ZSCAN5A: variants seen among roughly 807,000 people sequenced by gnomAD.
ZSCAN5A encodes the protein zinc finger and SCAN domain containing 5A, also known as zinc finger and SCAN domain-containing protein 5A.
In ZSCAN5A, 12 loss-of-function variants were observed where a neutral mutation model predicts 23.7. The ratio of observed to expected loss-of-function variants is 0.51; its 90% CI spans 0.32 to 0.82. ZSCAN5A has a LOEUF of 0.82. ZSCAN5A is among the 40% of genes least tolerant of loss of function. ZSCAN5A has a pLI of 0.03. For synonymous variants in ZSCAN5A, 257 were observed against 239.9 expected, an observed-to-expected ratio of 1.07 and a Z score of -0.66; for missense variants, 597 against 617.9, an observed-to-expected ratio of 0.97 and a Z score of 0.36.
At chr19:56,353,628 A>C (rs8102637) in intron 2 of ZSCAN5A, among the ~76,000 whole-genome samples, 26,274 of 151,574 alleles carry the variant, frequency 0.17, 2,431 homozygotes, top group Middle Eastern at 0.23. Context: ...AAAAAATACA[A>C]AAAATTAGCT....
chr19:56,261,857 A>G (rs1275977144), intron 2 of ZSCAN5A, among the ~76,000 whole-genome samples: 1 of 152,226 alleles, frequency 6.6e-6, no homozygotes, highest in African/African-American at 2.4e-5. Flanking sequence ...TAACTTACAT[A>G]TAGTGAAGTG....
chr19:56,287,936 G>A (rs149212348), intron 2 of ZSCAN5A, among the ~76,000 whole-genome samples: 77 of 152,342 alleles, frequency 5.1e-4, no homozygotes, highest in African/African-American at 1.4e-3. Flanking sequence ...TCCAGTGTTA[G>A]CTCTGAAACT....
intron 2 of ZSCAN5A, among the ~76,000 whole-genome samples, chr19:56,361,210 T>C (rs958162208): frequency 3.3e-5 from 5 of 152,176 alleles, no homozygotes; most frequent in African/African-American, 7.2e-5. Flanking sequence ...AAGCAACAGA[T>C]GCTGGCGAGG....
chr19:56,275,455 G>A (rs369447163), intron 2 of ZSCAN5A, among the ~76,000 whole-genome samples: 3 of 152,246 alleles, frequency 2.0e-5, no homozygotes, highest in African/African-American at 7.2e-5. Context: ...TATTGGTTGG[G>A]TGCAGTGGCT....
chr19:56,273,598 G>C (rs539725642), intron 2 of ZSCAN5A, among the ~76,000 whole-genome samples: 1 of 152,308 alleles, frequency 6.6e-6, no homozygotes, highest in South Asian at 2.1e-4. Context: ...AGTTAGGAGA[G>C]ACTATTCCAG....
chr19:56,363,416 G>A (rs10410099), intron 1 of ZSCAN5A: 16,244 of 152,298 alleles, frequency 0.11, 1,240 homozygotes, highest in East Asian at 0.35. Flanking sequence ...ATAAGAGCCA[G>A]TGGAGTATTG....
intron 2 of ZSCAN5A, among the ~76,000 whole-genome samples, chr19:56,270,557 GT>G (rs2037775930): frequency 6.6e-6 from 1 of 152,170 alleles, no homozygotes; most frequent in East Asian, 1.9e-4. Flanking sequence ...AGGGTCAATT[GT>G]TAACGTTTTC....
chr19:56,326,034 G>A (rs1043958642), intron 2 of ZSCAN5A, among the ~76,000 whole-genome samples: 1 of 151,612 alleles, frequency 6.6e-6, no homozygotes, highest in Admixed American at 6.6e-5. Context: ...CCGGGTTCAC[G>A]CCATTCTCCT....
chr19:56,244,547 G>C lies in ZSCAN5A; in HGVS notation c.-127-19374C>G, dbSNP rs1568637550. 1.1e-5 allele frequency: 14 copies of C among 1,217,524 alleles called. No individual in the cohort carries two copies. In the South Asian group the frequency reaches 2.2e-4, roughly 19 times the overall value. 75.4% of individuals were successfully genotyped at this position (1,217,524 alleles called of 1,614,324 possible). A position where few individuals can be genotyped will look rare whatever the true frequency, so the allele number is the denominator to read the frequency against. On this transcript the variant is annotated intron_variant, in intron 2 of 5. Transcript: ENST00000683990. ...GGTCAGGGCTTCCAAGTAGAGGAGA[G>C]TTTGCCCATCAGGGACACATGGCAG...
At chr19:56,356,753 T>C (rs2041702842) in intron 2 of ZSCAN5A, among the ~76,000 whole-genome samples, 1 of 148,824 alleles carries the variant, frequency 6.7e-6, no homozygotes, top group African/African-American at 2.5e-5. Context: ...GTATAAAAAC[T>C]GCCTGTGGGG....
At chr19:56,278,210 C>A (rs969875164) in intron 2 of ZSCAN5A, among the ~76,000 whole-genome samples, 1 of 152,060 alleles carries the variant, frequency 6.6e-6, no homozygotes, top group Non-Finnish European at 1.5e-5. Context: ...TGACATCTGC[C>A]TCCTGGGTTC....
intron 2 of ZSCAN5A, among the ~76,000 whole-genome samples, chr19:56,247,986 G>A (rs1489111734): frequency 6.6e-6 from 1 of 152,110 alleles, no homozygotes; most frequent in Non-Finnish European, 1.5e-5. Context: ...CACCGCACCT[G>A]GCCTGTTCTT....
At chr19:56,232,239 G>C (rs919368991) in intron 2 of ZSCAN5A, among the ~76,000 whole-genome samples, 1 of 151,984 alleles carries the variant, frequency 6.6e-6, no homozygotes, top group African/African-American at 2.4e-5. Context: ...GCCTCCCAAA[G>C]TGCTGAGATT....
At chr19:56,239,692 T>G (rs1407589574) in intron 2 of ZSCAN5A, among the ~76,000 whole-genome samples, 1 of 152,182 alleles carries the variant, frequency 6.6e-6, no homozygotes. Context: ...ATCACTAATA[T>G]TTATTGTATA....
chr19:56,328,566 G>C (rs12975599), intron 2 of ZSCAN5A, among the ~76,000 whole-genome samples: 47,952 of 151,430 alleles, frequency 0.32, 11,798 homozygotes, highest in African/African-American at 0.69. Context: ...CACTTGAACC[G>C]AGGATTGCAG....
At chr19:56,240,287 CTA>C (rs1160496975) in intron 2 of ZSCAN5A, among the ~76,000 whole-genome samples, 1 of 152,062 alleles carries the variant, frequency 6.6e-6, no homozygotes, top group Non-Finnish European at 1.5e-5. Flanking sequence ...GTGGGAAAAC[CTA>C]TGTTATTTGC....
chr19:56,343,633 G>T (rs138695087), intron 2 of ZSCAN5A, among the ~76,000 whole-genome samples: 8 of 152,334 alleles, frequency 5.3e-5, no homozygotes, highest in African/African-American at 1.9e-4. Flanking sequence ...AGGTCACACA[G>T]GTAGTGAGTA....
chr19:56,277,993 A>C (rs941215748), intron 2 of ZSCAN5A, among the ~76,000 whole-genome samples: 9 of 152,186 alleles, frequency 5.9e-5, no homozygotes, highest in African/African-American at 1.9e-4. Context: ...AAACCAAAAA[A>C]GTTTAGTAAG....
chr19:56,225,725 ACT>A (rs912070444), intron 2 of ZSCAN5A, among the ~76,000 whole-genome samples: 3 of 152,098 alleles, frequency 2.0e-5, no homozygotes, highest in African/African-American at 4.8e-5. Context: ...ATCATTTTTT[ACT>A]CTCTTCAAGT....
Sources: gnomAD v4.1 joint callset for allele counts (sites outside exome capture counted in the v4.1 genomes callset) on GRCh38, gnomAD v4.1.1 for gene constraint, MANE v1.5 for transcripts, NCBI Gene and HGNC (gene_info 2026-07-23, HGNC 2026-07-21) for gene names.